Variants in CCDC88A observed in about 807,000 individuals in gnomAD.
CCDC88A encodes coiled-coil and HOOK domain protein 88A, also known as girdin.
Under a neutral mutation model 234.3 loss-of-function variants are expected in CCDC88A, and 54 were observed. The ratio of observed to expected loss-of-function variants is 0.23; its 90% CI spans 0.19 to 0.29. CCDC88A has a LOEUF of 0.29. Among genes scored for constraint, CCDC88A ranks in the 10% least tolerant of loss-of-function variants. The pLI, the probability that CCDC88A is intolerant of heterozygous loss-of-function variation, is 1.00. For synonymous variants in CCDC88A, 753 were observed against 737.8 expected, an observed-to-expected ratio of 1.02 and a Z score of -0.33; for missense variants, 1,832 against 2,123.4, an observed-to-expected ratio of 0.86 and a Z score of 2.70.
At chr2:55,401,287 A>C (rs1678572201) in intron 2 of CCDC88A, among the ~76,000 whole-genome samples, 1 of 151,036 alleles carries the variant, frequency 6.6e-6, no homozygotes, top group Admixed American at 6.6e-5. Context: ...AATTTTAATT[A>C]GCTGGGGACA....
intron 2 of CCDC88A, among the ~76,000 whole-genome samples, chr2:55,415,346 G>A (rs1681187438): frequency 6.6e-6 from 1 of 152,020 alleles, no homozygotes; most frequent in Admixed American, 6.6e-5. Flanking sequence ...TTCTACTGGT[G>A]GCCAGAGACC....
Position 55,317,525 on chromosome 2 carries a change from C to A in CCDC88A, c.3602+39G>T. The stretch of plus-strand genomic sequence containing the variant: ...TTTATTATACTACTTGAAGAAAATT[C>A]ATTTTAAATTCACAGTACAACAAAA... On this transcript the variant is annotated intron_variant, in intron 20 of 32. Coordinates refer to ENST00000436346, the MANE Select transcript of CCDC88A (RefSeq NM_001365480.1). The surrounding 1 kb of genome is among the most constrained non-coding windows in gnomAD (Gnocchi z 4.2). The A allele has an allele frequency of 7.1e-7, 1 of 1,408,268 alleles. No homozygotes were observed. The highest frequency in any genetic ancestry group is 1.6e-5 in the South Asian group (1 of 61,078). The allele number at this position is 1,408,268 out of a possible 1,614,324, so 87.2% of individuals were successfully genotyped here. A position where few individuals can be genotyped will look rare whatever the true frequency, so the allele number is the denominator to read the frequency against.
At chr2:55,369,617 A>G (rs1194401874) in intron 5 of CCDC88A, among the ~76,000 whole-genome samples, 1 of 151,846 alleles carries the variant, frequency 6.6e-6, no homozygotes, top group Non-Finnish European at 1.5e-5. Flanking sequence ...ATGCCCAGCT[A>G]TTTTTTTGTA....
At chr2:55,352,826 T>G (rs1226812805) in intron 8 of CCDC88A, among the ~76,000 whole-genome samples, 1 of 134,820 alleles carries the variant, frequency 7.4e-6, no homozygotes, top group East Asian at 2.8e-4. Context: ...TGCTGTTAAT[T>G]TGCACTTTCT....
At chr2:55,383,152 C>G (rs952462078) in intron 3 of CCDC88A, among the ~76,000 whole-genome samples, 1 of 151,860 alleles carries the variant, frequency 6.6e-6, no homozygotes, top group African/African-American at 2.4e-5. Context: ...ATAATCCTCC[C>G]TCCAACAATC....
chr2:55,417,564 AT>A (rs1681697316), intron 2 of CCDC88A: 1 of 152,016 alleles, frequency 6.6e-6, no homozygotes, highest in Non-Finnish European at 1.5e-5. Context: ...AAGGAAAAAA[AT>A]AAATATATAC....
Position 55,334,502 on chromosome 2 carries a change from C to T in CCDC88A, c.2319G>A (p.Glu773=), listed in dbSNP as rs1376220525. 9.3e-6 allele frequency: 15 copies of T among 1,607,844 alleles called. No homozygotes were observed. Among genetic ancestry groups the T allele is most frequent in the Non-Finnish European group, 1.3e-5 (15 of 1,178,228 alleles). Residue 773 remains glutamate, a synonymous_variant, in exon 15 of 33, where the codon GAG becomes GAA. Coordinates refer to ENST00000436346, the MANE Select transcript of CCDC88A (RefSeq NM_001365480.1). The surrounding 1 kb of genome is among the most constrained non-coding windows in gnomAD (Gnocchi z 6.1). ...ATTGCTGGATTTTTTTATTGCTGTT[C>T]TCTAAAGTTTTTTGCAGTCTTTGAT... ...IENQRLQKTL[E]NSNKKIQQLE...
At chr2:55,296,709 GCTTC>G in intron 29 of CCDC88A, 186 bp from the exon 30 acceptor site, 1 of 611,310 alleles carries the variant, frequency 1.6e-6, no homozygotes, top group Non-Finnish European at 2.8e-6. Context: ...GCCATAGCCT[GCTTC>G]CTTATTTTGT....
At chr2:55,324,946 ATGGGCCAGGACTT>A (rs1327975134) in intron 17 of CCDC88A, among the ~76,000 whole-genome samples, 1 of 152,196 alleles carries the variant, frequency 6.6e-6, no homozygotes, top group Non-Finnish European at 1.5e-5. Flanking sequence ...ATGCCTGGCC[ATGGGCCAGGACTT>A]TTTGAGATAC....
intron 8 of CCDC88A, 121 bp downstream of exon 8, chr2:55,355,458 T>C: frequency 1.2e-6 from 1 of 830,692 alleles, no homozygotes; most frequent in Non-Finnish European, 1.9e-6. Context: ...CTCCTTATTT[T>C]TCTCATTTAC....
intron 9 of CCDC88A, among the ~76,000 whole-genome samples, chr2:55,348,126 GCT>G (rs1558716065): frequency 6.6e-6 from 1 of 151,746 alleles, no homozygotes; most frequent in African/African-American, 2.4e-5. Flanking sequence ...ATTACGTGCA[GCT>G]AATTTTTTCA....
chr2:55,395,440 C>A (rs1283455800), intron 2 of CCDC88A, among the ~76,000 whole-genome samples: 2 of 152,194 alleles, frequency 1.3e-5, no homozygotes, highest in African/African-American at 2.4e-5. Flanking sequence ...ATAACTCTGT[C>A]ACAGGTCTTC....
intron 28 of CCDC88A, chr2:55,300,125 AAG>A (rs1680702405): frequency 2.0e-6 from 1 of 510,118 alleles, no homozygotes; most frequent in Non-Finnish European, 3.5e-6. Context: ...TTGAGATTCA[AAG>A]AGGAGGATAA....
At chr2:55,294,401 T>C (rs887104140) in intron 31 of CCDC88A, 1 of 909,236 alleles carries the variant, frequency 1.1e-6, no homozygotes, top group Middle Eastern at 5.6e-4. Flanking sequence ...AGAATAACAC[T>C]AAGTTTATAA....
intron 2 of CCDC88A, chr2:55,417,894 C>T (rs557254068): frequency 9.2e-5 from 14 of 152,072 alleles, no homozygotes; most frequent in South Asian, 8.3e-4. Flanking sequence ...TTCCAAACTA[C>T]CTCTTCTCAT....
chr2:55,349,373 T>C, intron 9 of CCDC88A, 145 bp downstream of exon 9: 1 of 613,294 alleles, frequency 1.6e-6, no homozygotes, highest in Admixed American at 3.3e-5. Context: ...AGAGAGAGAC[T>C]CTGAAAAAGT....
At chr2:55,371,410 A>G (rs1214611108) in intron 5 of CCDC88A, among the ~76,000 whole-genome samples, 1 of 152,214 alleles carries the variant, frequency 6.6e-6, no homozygotes, top group Non-Finnish European at 1.5e-5. Flanking sequence ...ACTAGTAATC[A>G]TATTATTTGT....
In CCDC88A at chr2:55,334,639, T is replaced by G. The variant is rs1283567680; in HGVS notation, c.2182A>C (p.Lys728Gln). ...MKMAQLQLEN[K>Q]ELESEKEQLK... ...TGCTCTTTTTCACTTTCCAGTTCTTTGTTTTCTAGCTGTAGCTGAGCCATT... is the reference window on the plus strand; with the variant it reads ...TGCTCTTTTTCACTTTCCAGTTCTTGGTTTTCTAGCTGTAGCTGAGCCATT... Residue 728 changes from lysine to glutamine, a missense_variant, in exon 15 of 33, where the codon AAA becomes CAA. Lys to Gln is a moderately conservative substitution (Grantham distance 53). Transcript: ENST00000436346. This position sits in a 1 kb window ranked among gnomAD's most constrained non-coding sequence, Gnocchi z 6.1. 7 of 1,613,696 alleles carry G rather than the reference T, an allele frequency of 4.3e-6. No homozygotes were observed. The highest frequency in any genetic ancestry group is 5.1e-6 in the Non-Finnish European group (6 of 1,179,874).
At chr2:55,374,172 G>A (rs890701264) in intron 4 of CCDC88A, among the ~76,000 whole-genome samples, 4 of 152,124 alleles carry the variant, frequency 2.6e-5, no homozygotes, top group East Asian at 1.9e-4. Context: ...TCAGGAGTTC[G>A]AGACTGGCCT....
Sources: gnomAD v4.1 joint callset for allele counts (sites outside exome capture counted in the v4.1 genomes callset) on GRCh38, gnomAD v4.1.1 for gene constraint, Gnocchi (gnomAD v3.1) non-coding constraint, MANE v1.5 for transcripts, NCBI Gene and HGNC (gene_info 2026-07-23, HGNC 2026-07-21) for gene names.